CUL3: variants seen among roughly 807,000 people sequenced by gnomAD.
The protein encoded by CUL3 is cullin 3.
A neutral mutation model predicts 89.1 loss-of-function variants in CUL3; 19 were observed. That is an observed-to-expected ratio of 0.21 (90% CI 0.15 to 0.31). The LOEUF (loss-of-function observed/expected upper bound fraction) is 0.31, where lower values mean the gene tolerates loss of function less well. Ranked by LOEUF, CUL3 falls within the 10% of genes least tolerant of loss-of-function variation. The probability of loss-of-function intolerance (pLI) is 1.00; values close to 1 mark genes in which losing one functional copy is unlikely to be tolerated. For synonymous variants in CUL3, 351 were observed against 308.4 expected, an observed-to-expected ratio of 1.14 and a Z score of -1.45; for missense variants, 469 against 942.3, an observed-to-expected ratio of 0.50 and a Z score of 6.58.
chr2:224,571,387 ACT>A (rs1319138540), intron 1 of CUL3, among the ~76,000 whole-genome samples: 2 of 152,202 alleles, frequency 1.3e-5, no homozygotes, highest in Non-Finnish European at 2.9e-5. Flanking sequence ...ATATAAAATT[ACT>A]TTTTACACAT....
chr2:224,478,271 C>T lies in CUL3; in HGVS notation c.2104G>A (p.Glu702Lys), dbSNP rs2106143053. The T allele has an allele frequency of 6.2e-7, 1 of 1,613,812 alleles. No individual in the cohort carries two copies. Among genetic ancestry groups the T allele is most frequent in the African/African-American group, 1.3e-5 (1 of 75,036 alleles). The change falls in exon 15 of 16, where the codon GAG becomes AAG. Residue 702 changes from glutamate to lysine, a missense_variant. Glu to Lys is a moderately conservative substitution (Grantham distance 56). Around this residue, in one of 4 missense-constraint regions of CUL3, gnomAD observed 65 missense variants for 147.8 expected, o/e 0.44. Coordinates refer to ENST00000264414, the MANE Select transcript of CUL3 (RefSeq NM_003590.5). ...ATCCGCACTATAGCAGCTTCTATCT[C>T]ATGTTTTCTGTCGTCGTCTACTTTC... ...RQKVDDDRKH[E>K]IEAAIVRIMK... is the part of the protein sequence containing the mutation.
chr2:224,523,686 C>A (rs1236354572), intron 3 of CUL3, among the ~76,000 whole-genome samples: 1 of 152,138 alleles, frequency 6.6e-6, no homozygotes, highest in Non-Finnish European at 1.5e-5. Flanking sequence ...AACAGATGAA[C>A]AGATAAACAA....
chr2:224,502,769 T>A (rs953800769), intron 10 of CUL3, among the ~76,000 whole-genome samples, 196 bp downstream of exon 10: 1 of 152,172 alleles, frequency 6.6e-6, no homozygotes, highest in Non-Finnish European at 1.5e-5. Context: ...CAACTAAATT[T>A]TAAAAGAATA....
chr2:224,535,620 A>G lies in CUL3; in HGVS notation c.286T>C (p.Ser96Pro). The G allele has an allele frequency of 6.2e-7, 1 of 1,613,172 alleles. No individual in the cohort carries two copies. ...GTTTGAAGAAAGTTGTTATTCAATG[A>G]ATTTAGTACATCTTCTCGCACCTAG... Reference protein sequence around the residue: ...INKVREDVLNSLNNNFLQTLN... With the variant: ...INKVREDVLNPLNNNFLQTLN... The change falls in exon 3 of 16, where the codon TCA becomes CCA. Residue 96 changes from serine (S) to proline (P), a missense_variant. Physicochemically the swap from Ser to Pro is moderately conservative, Grantham distance 74. This residue lies in a region of CUL3 where 370 missense variants were observed against 733.2 expected (regional missense o/e 0.50). Coordinates refer to ENST00000264414, the MANE Select transcript of CUL3 (RefSeq NM_003590.5).
intron 9 of CUL3, among the ~76,000 whole-genome samples, chr2:224,503,336 A>C (rs1031459424): frequency 2.0e-5 from 3 of 152,206 alleles, no homozygotes; most frequent in African/African-American, 7.2e-5. Context: ...ATTCACGTGC[A>C]AGTATTCTAT....
chr2:224,479,373 GAT>G (rs1400764055), intron 14 of CUL3: 1 of 151,336 alleles, frequency 6.6e-6, no homozygotes, highest in Non-Finnish European at 1.5e-5. Flanking sequence ...AAAAAAATTC[GAT>G]GAAAATAATC....
intron 3 of CUL3, among the ~76,000 whole-genome samples, chr2:224,516,709 T>A (rs6758222): frequency 6.6e-6 from 1 of 151,866 alleles, no homozygotes; most frequent in South Asian, 2.1e-4. Flanking sequence ...TGCAGTGGTG[T>A]GATCTCGGCT....
chr2:224,518,068 T>A (rs1426354637), intron 3 of CUL3, among the ~76,000 whole-genome samples: 1 of 152,206 alleles, frequency 6.6e-6, no homozygotes, highest in African/African-American at 2.4e-5. Flanking sequence ...TATGGAAGAT[T>A]ATACTGGAAA....
intron 3 of CUL3, among the ~76,000 whole-genome samples, chr2:224,522,848 G>A (rs1693320066): frequency 7.0e-6 from 1 of 142,976 alleles, no homozygotes; most frequent in Non-Finnish European, 1.5e-5. Flanking sequence ...TCCTTCTCAG[G>A]GGTCTGAAAA....
chr2:224,475,541 T>C (rs1255263771), intron 15 of CUL3, among the ~76,000 whole-genome samples: 1 of 152,198 alleles, frequency 6.6e-6, no homozygotes, highest in Non-Finnish European at 1.5e-5. Context: ...CCACAATGGA[T>C]TGATAATTCT....
intron 3 of CUL3, among the ~76,000 whole-genome samples, chr2:224,534,352 A>G (rs1372238940): frequency 1.3e-5 from 2 of 152,236 alleles, no homozygotes; most frequent in African/African-American, 2.4e-5. Flanking sequence ...GAAGAAGCTA[A>G]TATCCTTAAA....
chr2:224,580,454 T>C (rs1695406646), intron 1 of CUL3, among the ~76,000 whole-genome samples: 1 of 152,138 alleles, frequency 6.6e-6, no homozygotes, highest in African/African-American at 2.4e-5. Flanking sequence ...GTAACAGCGG[T>C]GGGCTGATCA....
chr2:224,569,916 A>G (rs186717637), intron 1 of CUL3: 1 of 423,934 alleles, frequency 2.4e-6, no homozygotes, highest in East Asian at 1.6e-4. Flanking sequence ...AAAAAAATAA[A>G]CAAGGGAAAA....
chr2:224,546,850 T>G (rs910165294), intron 2 of CUL3, among the ~76,000 whole-genome samples: 6 of 152,116 alleles, frequency 3.9e-5, no homozygotes, highest in Non-Finnish European at 8.8e-5. Context: ...TATCCCACGG[T>G]TGCTGTTTTC....
chr2:224,533,591 T>G (rs544789237), intron 3 of CUL3, among the ~76,000 whole-genome samples: 69 of 152,304 alleles, frequency 4.5e-4, no homozygotes, highest in African/African-American at 1.5e-3. Context: ...ACCGTAAGAT[T>G]ACAAGTGGTT....
At chr2:224,523,316 C>T (rs1489016349) in intron 3 of CUL3, among the ~76,000 whole-genome samples, 1 of 151,826 alleles carries the variant, frequency 6.6e-6, no homozygotes, top group African/African-American at 2.4e-5. Flanking sequence ...ACCAACGCCC[C>T]TGGAAGAACA....
intron 2 of CUL3, among the ~76,000 whole-genome samples, chr2:224,545,573 TA>T (rs1311897576): frequency 6.6e-6 from 1 of 152,218 alleles, no homozygotes; most frequent in African/African-American, 2.4e-5. Context: ...TATTATCAGA[TA>T]TCAACCACTC....
At chr2:224,565,232 A>C (rs1695014109) in intron 1 of CUL3, among the ~76,000 whole-genome samples, 1 of 152,228 alleles carries the variant, frequency 6.6e-6, no homozygotes, top group African/African-American at 2.4e-5. Flanking sequence ...TAGAATAAAG[A>C]GAAAAAATAT....
chr2:224,569,451 A>C (rs1695127617), intron 1 of CUL3, among the ~76,000 whole-genome samples: 1 of 152,198 alleles, frequency 6.6e-6, no homozygotes, highest in Non-Finnish European at 1.5e-5. Context: ...GTTTAGTAAG[A>C]CTTTCAAAAA....
Sources: gnomAD v4.1 joint callset for allele counts (sites outside exome capture counted in the v4.1 genomes callset) on GRCh38, gnomAD v4.1.1 for gene constraint, gnomAD v4.1.1 regional missense constraint, MANE v1.5 for transcripts, NCBI Gene and HGNC (gene_info 2026-07-23, HGNC 2026-07-21) for gene names.